MDGA2: variants seen among roughly 807,000 people sequenced by gnomAD.
The protein encoded by MDGA2 is MAM domain-containing glycosylphosphatidylinositol anchor protein 2.
MDGA2 carries 40 observed loss-of-function variants against 117.8 expected under a neutral mutation model. The ratio of observed to expected loss-of-function variants is 0.34; its 90% confidence interval spans 0.26 to 0.44. The LOEUF (loss-of-function observed/expected upper bound fraction) is 0.44. Among genes scored for constraint, MDGA2 ranks in the 20% least tolerant of loss-of-function variants. MDGA2 has a pLI of 1.00. For missense variants in MDGA2, 1,123 were observed against 1,250.6 expected, an observed-to-expected ratio of 0.90 and a Z score of 1.54; for synonymous variants, 452 against 439.0, an observed-to-expected ratio of 1.03 and a Z score of -0.37.
intron 6 of MDGA2, 24 bp from the exon 7 acceptor site, chr14:47,061,602 G>T: frequency 6.4e-7 from 1 of 1,568,714 alleles, no homozygotes; most frequent in South Asian, 1.2e-5. Flanking sequence ...ATTCCATAAG[G>T]AGTTAGTGTT....
intron 2 of MDGA2, among the ~76,000 whole-genome samples, chr14:47,250,817 A>G (rs2139640875): frequency 6.6e-6 from 1 of 152,344 alleles, no homozygotes; most frequent in Non-Finnish European, 1.5e-5. Flanking sequence ...ATATTGTGGC[A>G]ATTTTAAGGC....
At chr14:47,313,851 T>C (rs1028039971) in intron 1 of MDGA2, among the ~76,000 whole-genome samples, 9 of 152,232 alleles carry the variant, frequency 5.9e-5, no homozygotes, top group Admixed American at 4.6e-4. Flanking sequence ...ATATGAAATA[T>C]ACTTAACTTT....
At chr14:47,122,694 G>T (rs966659990) in intron 5 of MDGA2, among the ~76,000 whole-genome samples, 1 of 152,028 alleles carries the variant, frequency 6.6e-6, no homozygotes, top group African/African-American at 2.4e-5. Flanking sequence ...AAATCATCAA[G>T]AAATTGTAAA....
intron 2 of MDGA2, among the ~76,000 whole-genome samples, chr14:47,286,155 A>T (rs1888664011): frequency 1.3e-5 from 2 of 152,118 alleles, no homozygotes; most frequent in Admixed American, 1.3e-4. Context: ...TGATACAAGC[A>T]TACAGTATGT....
intron 1 of MDGA2, among the ~76,000 whole-genome samples, chr14:47,582,066 G>GATAAC (rs1252784166): frequency 1.3e-5 from 2 of 151,856 alleles, no homozygotes; most frequent in Non-Finnish European, 2.9e-5. Flanking sequence ...TGCCAAGTAA[G>GATAAC]ATAACAGACT....
intron 9 of MDGA2, among the ~76,000 whole-genome samples, chr14:46,936,367 C>T (rs1884781282): frequency 6.6e-6 from 1 of 152,006 alleles, no homozygotes; most frequent in African/African-American, 2.4e-5. Flanking sequence ...TTTTCACCTC[C>T]CATTATTAAA....
chr14:47,640,492 G>A (rs916209212), intron 1 of MDGA2, among the ~76,000 whole-genome samples: 12 of 152,062 alleles, frequency 7.9e-5, no homozygotes, highest in African/African-American at 2.9e-4. Context: ...AAATCATCAT[G>A]TCATATTCCT....
rs1400229989 is a variant in MDGA2, at chr14:47,500,090, C to T, written c.280+174427G>A. Among the ~76,000 whole-genome samples the T allele has an allele frequency of 2.6e-5, 4 of 152,160 alleles. No individual in the cohort carries two copies. In the East Asian group the frequency reaches 7.7e-4, roughly 29 times the overall value. On this transcript the variant is annotated intron_variant, in intron 1 of 16. Coordinates refer to ENST00000399232, the MANE Select transcript of MDGA2 (RefSeq NM_001113498.3). ...TCACAAAACAGTATGATAAAGTATA[C>T]TTGAAAACATGTATAATCCCCACAC...
intron 1 of MDGA2, among the ~76,000 whole-genome samples, chr14:47,506,806 G>C (rs1315351728): frequency 1.3e-5 from 2 of 152,174 alleles, no homozygotes; most frequent in Non-Finnish European, 2.9e-5. Flanking sequence ...TTTGAGGTCA[G>C]AAGGTGTGAA....
intron 14 of MDGA2, among the ~76,000 whole-genome samples, chr14:46,858,736 T>C (rs1881387318): frequency 6.6e-6 from 1 of 152,170 alleles, no homozygotes; most frequent in African/African-American, 2.4e-5. Flanking sequence ...CTATAATACC[T>C]TCTTTAAAGC....
chr14:47,001,455 A>C (rs1176275959), intron 8 of MDGA2, among the ~76,000 whole-genome samples: 1 of 152,094 alleles, frequency 6.6e-6, no homozygotes, highest in East Asian at 1.9e-4. Flanking sequence ...AATTAGAAAC[A>C]AAAGGGAACA....
chr14:47,656,080 A>G (rs927148323), intron 1 of MDGA2, among the ~76,000 whole-genome samples: 1 of 152,194 alleles, frequency 6.6e-6, no homozygotes, highest in African/African-American at 2.4e-5. Flanking sequence ...GAACTTACTT[A>G]GGCAGAATGC....
At chr14:47,568,806 C>T (rs1895964829) in intron 1 of MDGA2, among the ~76,000 whole-genome samples, 2 of 151,944 alleles carry the variant, frequency 1.3e-5, no homozygotes, top group East Asian at 3.9e-4. Context: ...ATGACATTTA[C>T]TTTGCTGGCT....
intron 3 of MDGA2, among the ~76,000 whole-genome samples, chr14:47,197,975 C>T (rs1313581634): frequency 1.3e-5 from 2 of 152,164 alleles, no homozygotes; most frequent in Non-Finnish European, 2.9e-5. Flanking sequence ...GTTATGGTAA[C>T]ATATTCAGTC....
At chr14:47,149,682 T>A (rs1323052665) in intron 3 of MDGA2, among the ~76,000 whole-genome samples, 1 of 152,252 alleles carries the variant, frequency 6.6e-6, no homozygotes, top group Non-Finnish European at 1.5e-5. Context: ...CTTTATTTAG[T>A]GGAGACCATT....
At chr14:46,900,414 T>G (rs1883239513) in intron 10 of MDGA2, among the ~76,000 whole-genome samples, 1 of 152,164 alleles carries the variant, frequency 6.6e-6, no homozygotes, top group Non-Finnish European at 1.5e-5. Flanking sequence ...ACATGAATGC[T>G]TATAGTACCT....
intron 1 of MDGA2, among the ~76,000 whole-genome samples, chr14:47,628,040 C>T (rs1897183169): frequency 6.6e-6 from 1 of 152,168 alleles, no homozygotes; most frequent in South Asian, 2.1e-4. Context: ...ACAGTACCAC[C>T]TGCCATAGTT....
intron 1 of MDGA2, among the ~76,000 whole-genome samples, chr14:47,555,506 T>C (rs1275619473): frequency 6.6e-6 from 1 of 152,170 alleles, no homozygotes; most frequent in Non-Finnish European, 1.5e-5. Context: ...TAAGTTGCCA[T>C]GTATGTTCAA....
At chr14:47,545,365 A>C (rs1895441048) in intron 1 of MDGA2, among the ~76,000 whole-genome samples, 1 of 152,204 alleles carries the variant, frequency 6.6e-6, no homozygotes, top group African/African-American at 2.4e-5. Flanking sequence ...TTTTGTGGTC[A>C]GATAGACTCA....
Sources: allele counts gnomAD v4.1 joint callset (sites outside exome capture counted in the v4.1 genomes callset), GRCh38; gene constraint gnomAD v4.1.1; transcripts MANE v1.5; gene names NCBI Gene and HGNC (gene_info 2026-07-23, HGNC 2026-07-21).